Variants in CELF2 observed in about 807,000 individuals in gnomAD.
CELF2 encodes CUGBP Elav-like family member 2.
In CELF2, 8 loss-of-function variants were observed where a neutral mutation model predicts 62.6. The observed-to-expected ratio is 0.13, with a 90% CI of 0.07 to 0.23. CELF2 has a LOEUF of 0.23. CELF2 is among the 10% of genes least tolerant of loss of function. The pLI is 1.00. For synonymous variants in CELF2, 258 were observed against 250.0 expected, an observed-to-expected ratio of 1.03 and a Z score of -0.30; for missense variants, 333 against 671.0, an observed-to-expected ratio of 0.50 and a Z score of 5.56.
chr10:10,868,517 G>T (rs2060525178), intron 1 of CELF2, among the ~76,000 whole-genome samples: 1 of 152,256 alleles, frequency 6.6e-6, no homozygotes, highest in Non-Finnish European at 1.5e-5. Context: ...AGCAATTACA[G>T]AGCCTAACCA....
At chr10:11,206,173 G>A (rs1223301138) in intron 2 of CELF2, among the ~76,000 whole-genome samples, 1 of 152,150 alleles carries the variant, frequency 6.6e-6, no homozygotes, top group Non-Finnish European at 1.5e-5. Flanking sequence ...AACAATAAGG[G>A]GCCTGCATTC....
chr10:10,965,701 C>A (rs2050050772), intron 2 of CELF2, among the ~76,000 whole-genome samples: 1 of 151,994 alleles, frequency 6.6e-6, no homozygotes. Context: ...TTCATAGAAC[C>A]AAATACAGTC....
chr10:10,980,450 C>T (rs983207404), intron 2 of CELF2, among the ~76,000 whole-genome samples: 5 of 152,234 alleles, frequency 3.3e-5, no homozygotes, highest in African/African-American at 4.8e-5. Flanking sequence ...CAAAAGTCCA[C>T]GTTCTCGTGG....
intron 1 of CELF2, among the ~76,000 whole-genome samples, chr10:11,037,738 G>T (rs538430933): frequency 4.6e-5 from 7 of 152,316 alleles, no homozygotes; most frequent in African/African-American, 1.7e-4. Context: ...TCGTGGCCTA[G>T]CTTGGGCTGT....
intron 1 of CELF2, among the ~76,000 whole-genome samples, chr10:10,806,820 A>G (rs1208592699): frequency 6.6e-6 from 1 of 152,216 alleles, no homozygotes; most frequent in Non-Finnish European, 1.5e-5. Context: ...AGGGGTGACC[A>G]TATGTGTAAG....
intron 1 of CELF2, among the ~76,000 whole-genome samples, chr10:10,825,273 G>A (rs1413192975): frequency 6.6e-6 from 1 of 152,142 alleles, no homozygotes; most frequent in African/African-American, 2.4e-5. Flanking sequence ...GCAGTGGCGC[G>A]ATCTCGACTC....
At chr10:10,514,457 GATC>G in the CELF2 span, among the ~76,000 whole-genome samples, 1 of 152,196 alleles carries the variant, frequency 6.6e-6, no homozygotes, top group Admixed American at 6.5e-5. Flanking sequence ...CGTGGTCCCT[GATC>G]ACCAGGAACT....
chr10:10,887,409 T>C (rs2061828525), intron 1 of CELF2, among the ~76,000 whole-genome samples: 1 of 152,234 alleles, frequency 6.6e-6, no homozygotes, highest in South Asian at 2.1e-4. Flanking sequence ...AGCTGTGTTA[T>C]GTAAGCAGTT....
At chr10:10,660,632 C>A in the CELF2 span, among the ~76,000 whole-genome samples, 3 of 152,188 alleles carry the variant, frequency 2.0e-5, no homozygotes, top group African/African-American at 7.2e-5. Flanking sequence ...GCTGAGACAG[C>A]ATTTATTTTT....
intron 8 of CELF2, among the ~76,000 whole-genome samples, chr10:11,283,201 C>T (rs2089618491): frequency 2.0e-5 from 3 of 152,346 alleles, no homozygotes; most frequent in East Asian, 1.9e-4. Flanking sequence ...CTGTGCTTTG[C>T]TTTCCTGTGC....
the CELF2 span, among the ~76,000 whole-genome samples, chr10:10,509,795 A>C: frequency 3.3e-5 from 5 of 152,236 alleles, no homozygotes; most frequent in African/African-American, 1.2e-4. Flanking sequence ...AAAAGGGACC[A>C]CTGTAGTCGC....
chr10:11,149,581 GC>G (rs1383924789), intron 1 of CELF2, among the ~76,000 whole-genome samples: 1 of 152,170 alleles, frequency 6.6e-6, no homozygotes, highest in Admixed American at 6.5e-5. Flanking sequence ...GAGGCTTTGC[GC>G]CTTGTGAGGG....
rs140861223 is a variant in CELF2 at position 11,063,940 on chromosome 10, T to A, written c.74+45777T>A. 2.5e-3 allele frequency among the ~76,000 whole-genome samples: 375 copies of A among 152,324 alleles called. 2 individuals are homozygous for A. Among genetic ancestry groups the A allele is most frequent in the African/African-American group, 8.4e-3 (348 of 41,562 alleles). ...TTTGCGTTCTGCATGGATAATCTGATGTTTTGTAGCTCCTGGAGTGTGCTG... is the reference window on the plus strand; with the variant it reads ...TTTGCGTTCTGCATGGATAATCTGAAGTTTTGTAGCTCCTGGAGTGTGCTG... On this transcript the variant is annotated intron_variant, in intron 1 of 12. Coordinates refer to ENST00000633077, the MANE Select transcript of CELF2 (RefSeq NM_001326342.2).
intron 1 of CELF2, among the ~76,000 whole-genome samples, chr10:11,125,455 T>A (rs1252492680): frequency 1.8e-4 from 23 of 130,436 alleles, no homozygotes; most frequent in African/African-American, 5.5e-4. Flanking sequence ...AAAAAAAAAA[T>A]GAGAGTTTCA....
chr10:10,641,576 G>A, the CELF2 span, among the ~76,000 whole-genome samples: 2 of 152,114 alleles, frequency 1.3e-5, no homozygotes, highest in Admixed American at 1.3e-4. Flanking sequence ...AAGTAGCTGG[G>A]ATTACAGGAG....
rs55954207 is a variant in CELF2 at position 10,910,699 on chromosome 10, CA to C, written c.54-9245del. On this transcript the variant is annotated intron_variant, in intron 1 of 13. Transcript: ENST00000636488. Reference sequence around the variant, plus strand: ...TGGACTACAGAGTGAGACTCTGCCTCAAAAAAAAAAAAAAAAAAAAGAAAAG... The same window carrying C: ...TGGACTACAGAGTGAGACTCTGCCTCAAAAAAAAAAAAAAAAAAAGAAAAG... Among the ~76,000 whole-genome samples, 733 of 92,190 alleles carry C rather than the reference CA, an allele frequency of 8.0e-3. 3 individuals carry two copies. The highest frequency in any genetic ancestry group is 0.027 in the African/African-American group (702 of 25,528). 60.5% of individuals were successfully genotyped at this position (92,190 alleles called of 152,430 possible).
At chr10:10,570,970 C>T in the CELF2 span, among the ~76,000 whole-genome samples, 1 of 151,992 alleles carries the variant, frequency 6.6e-6, no homozygotes, top group South Asian at 2.1e-4. Flanking sequence ...AAAATCAAAG[C>T]CTCACTGAAA....
At chr10:10,660,147 C>G in the CELF2 span, among the ~76,000 whole-genome samples, 3 of 152,168 alleles carry the variant, frequency 2.0e-5, no homozygotes, top group African/African-American at 7.2e-5. Flanking sequence ...CATCAGGAAC[C>G]TTTTCTTGCT....
chr10:10,763,549 G>T, the CELF2 span, among the ~76,000 whole-genome samples: 2 of 152,210 alleles, frequency 1.3e-5, no homozygotes, highest in Non-Finnish European at 2.9e-5. Flanking sequence ...GTATGTGAGA[G>T]GAGGAAGATG....
Sources: allele counts gnomAD v4.1 joint callset (sites outside exome capture counted in the v4.1 genomes callset), GRCh38; gene constraint gnomAD v4.1.1; transcripts MANE v1.5; gene names NCBI Gene and HGNC (gene_info 2026-07-23, HGNC 2026-07-21).